Variants in UFL1 observed in about 807,000 individuals in gnomAD.
The protein encoded by UFL1 is E3 UFM1-protein ligase 1.
Under a neutral mutation model 99.3 loss-of-function variants are expected in UFL1, and 78 were observed. The observed-to-expected ratio is 0.79, with a 90% CI of 0.65 to 0.95. The LOEUF (loss-of-function observed/expected upper bound fraction) is 0.95. Ranked by LOEUF, UFL1 falls within the 40% of genes least tolerant of loss-of-function variation. UFL1 has a pLI of 0.00. For synonymous variants in UFL1, 335 were observed against 322.2 expected (o/e 1.04, Z -0.42); for missense variants, 936 against 937.0 (o/e 1.00, Z 0.01).
intron 7 of UFL1, among the ~76,000 whole-genome samples, chr6:96,534,827 G>C (rs552489846): frequency 6.6e-6 from 1 of 151,488 alleles, no homozygotes; most frequent in Non-Finnish European, 1.5e-5. Flanking sequence ...TTTTTTTAAT[G>C]CTTTGCTGAA....
At chr6:96,552,209 CA>C (rs1164607346) in intron 17 of UFL1, among the ~76,000 whole-genome samples, 1 of 152,060 alleles carries the variant, frequency 6.6e-6, no homozygotes, top group African/African-American at 2.4e-5. Flanking sequence ...CTTACCTAAT[CA>C]GTGCAAATTT....
intron 6 of UFL1, 90 bp downstream of exon 6, chr6:96,528,722 T>C: frequency 7.0e-7 from 1 of 1,424,864 alleles, no homozygotes; most frequent in Non-Finnish European, 9.3e-7. Context: ...TTCTTTGTTT[T>C]AATAAAGTCT....
At chr6:96,528,303 G>A (rs368049700) in intron 5 of UFL1, among the ~76,000 whole-genome samples, 199 bp from the exon 6 acceptor site, 86 of 152,190 alleles carry the variant, frequency 5.7e-4, no homozygotes, top group Non-Finnish European at 1.5e-4. Flanking sequence ...TCATTTCTTG[G>A]CTCTGCCATG....
intron 15 of UFL1, 33 bp from the exon 16 acceptor site, chr6:96,551,400 C>T: frequency 8.4e-7 from 1 of 1,193,512 alleles, no homozygotes; most frequent in Non-Finnish European, 1.2e-6. Flanking sequence ...GTCAAAAGCA[C>T]AGTACTGAAT....
chr6:96,538,500 G>A (rs937775140), intron 9 of UFL1, 131 bp from the exon 10 acceptor site: 18 of 740,652 alleles, frequency 2.4e-5, no homozygotes, highest in South Asian at 5.1e-5. Flanking sequence ...GGAGGTTATC[G>A]GCATAAATAT....
At chr6:96,524,101 G>A (rs1185789177) in intron 2 of UFL1, among the ~76,000 whole-genome samples, 3 of 151,456 alleles carry the variant, frequency 2.0e-5, no homozygotes, top group African/African-American at 7.3e-5. Context: ...GAAGGGAAAT[G>A]AATACCCTTC....
intron 6 of UFL1, among the ~76,000 whole-genome samples, chr6:96,529,479 T>G (rs1053129698): frequency 6.6e-6 from 1 of 152,228 alleles, no homozygotes; most frequent in African/African-American, 2.4e-5. Context: ...AGCACTGATG[T>G]CTCATTATCT....
chr6:96,538,518 A>G (rs950573829), intron 9 of UFL1, 113 bp from the exon 10 acceptor site: 5 of 974,054 alleles, frequency 5.1e-6, no homozygotes, highest in South Asian at 2.2e-5. Flanking sequence ...TATGGTTCCA[A>G]AAGCCACTGG....
intron 7 of UFL1, among the ~76,000 whole-genome samples, chr6:96,534,943 A>G (rs1441685317): frequency 6.6e-6 from 1 of 151,964 alleles, no homozygotes; most frequent in East Asian, 1.9e-4. Flanking sequence ...ACCAAAAATT[A>G]ATTTTCACTG....
chr6:96,550,336 C>A (rs1324003355), intron 15 of UFL1, among the ~76,000 whole-genome samples: 1 of 151,872 alleles, frequency 6.6e-6, no homozygotes, highest in Admixed American at 6.6e-5. Context: ...CCTCCTCCCA[C>A]CTTCTCTACC....
rs150892681 is a variant in UFL1 at position 96,553,895 on chromosome 6, C to G, written c.*392C>G. 6.4e-6 allele frequency: 1 copy of G among 155,554 alleles called. No individual in the cohort carries two copies. Among genetic ancestry groups the G allele is most frequent in the Admixed American group, 6.5e-5 (1 of 15,410 alleles). The allele number at this position is 155,554 out of a possible 1,614,324, so 9.6% of individuals were successfully genotyped here. On this transcript the variant is annotated 3_prime_UTR_variant, in exon 19 of 19. Coordinates refer to ENST00000369278, the MANE Select transcript of UFL1 (RefSeq NM_015323.5). The stretch of plus-strand genomic sequence containing the variant: ...GAGTGCCAGTATACTTAAATGTATA[C>G]TTTATATACATTTAAGCAGAAATTT...
intron 18 of UFL1, among the ~76,000 whole-genome samples, 175 bp downstream of exon 18, chr6:96,552,837 C>G (rs1770101972): frequency 1.3e-5 from 2 of 151,984 alleles, no homozygotes; most frequent in Admixed American, 6.6e-5. Context: ...CCACATAGCT[C>G]AAGAATCTTT....
Position 96,542,881 on chromosome 6 carries a change from A to G in UFL1, c.1280-13A>G. ...TAGTTAGGTAATGCTAACTAATGTC[A>G]TTTTCCCACCAGAGGGCAGTGGAAG... On this transcript the variant is annotated splice_polypyrimidine_tract_variant and intron_variant, in intron 11 of 18. Transcript: ENST00000369278. 4.5e-6 allele frequency: 7 copies of G among 1,557,638 alleles called. 1 individual carries two copies. The highest frequency in any genetic ancestry group is 3.4e-4 in the Middle Eastern group (2 of 5,886).
intron 13 of UFL1, 123 bp from the exon 14 acceptor site, chr6:96,549,289 T>C: frequency 1.3e-6 from 1 of 753,888 alleles, no homozygotes; most frequent in Non-Finnish European, 1.9e-6. Flanking sequence ...CCAAATTAAT[T>C]TTATTTGCAT....
At chr6:96,529,674 TCACGC>T (rs1254974907) in intron 6 of UFL1, among the ~76,000 whole-genome samples, 1 of 152,224 alleles carries the variant, frequency 6.6e-6, no homozygotes, top group Non-Finnish European at 1.5e-5. Flanking sequence ...CTTTAAAGTT[TCACGC>T]CATCTTTTCT....
At chr6:96,537,072 A>G (rs866367081) in intron 8 of UFL1, among the ~76,000 whole-genome samples, 2 of 151,720 alleles carry the variant, frequency 1.3e-5, no homozygotes, top group South Asian at 2.1e-4. Flanking sequence ...TTACTTCCTC[A>G]GTAATAAACC....
intron 15 of UFL1, among the ~76,000 whole-genome samples, chr6:96,550,167 A>G (rs913437871): frequency 1.3e-5 from 2 of 151,780 alleles, no homozygotes; most frequent in Non-Finnish European, 2.9e-5. Flanking sequence ...ACTAATTCCA[A>G]TTAATTTTTT....
intron 10 of UFL1, among the ~76,000 whole-genome samples, chr6:96,540,196 A>C (rs566780885): frequency 4.6e-5 from 7 of 151,566 alleles, no homozygotes; most frequent in Admixed American, 1.3e-4. Flanking sequence ...GAGTCTCAAA[A>C]AGCGAAGGAG....
Position 96,549,409 on chromosome 6 carries a change from C to CAAATATATTTATGCATTA in UFL1, c.1521-2_1521-1insAATATATTTATGCATTAA. ...AAACTAAATATATTTGTCTTATGCA[C>CAAATATATTTATGCATTA]AGACCTCTTAATAAAACTTATCTCG... On this transcript the variant is annotated splice_region_variant and splice_polypyrimidine_tract_variant and intron_variant, in intron 13 of 18. Transcript: ENST00000369278. 2 of 1,591,268 alleles carry CAAATATATTTATGCATTA rather than the reference C, an allele frequency of 1.3e-6. No homozygotes were observed. Among genetic ancestry groups the CAAATATATTTATGCATTA allele is most frequent in the Non-Finnish European group, 1.7e-6 (2 of 1,173,094 alleles).
Sources: allele counts gnomAD v4.1 joint callset (sites outside exome capture counted in the v4.1 genomes callset), GRCh38; gene constraint gnomAD v4.1.1; transcripts MANE v1.5; gene names NCBI Gene and HGNC (gene_info 2026-07-23, HGNC 2026-07-21).